Variants in CRISPLD2 observed in about 807,000 individuals in gnomAD.
CRISPLD2 encodes the protein cysteine rich secretory protein LCCL domain containing 2.
CRISPLD2 carries 47 observed loss-of-function variants against 71.1 expected under a neutral mutation model. The observed-to-expected ratio is 0.66, with a 90% CI of 0.52 to 0.84. The LOEUF is 0.84. Among genes scored for constraint, CRISPLD2 ranks in the 40% least tolerant of loss-of-function variants. The pLI, the probability that CRISPLD2 is intolerant of heterozygous loss-of-function variation, is 0.00. For missense variants in CRISPLD2, 830 were observed against 651.1 expected, an observed-to-expected ratio of 1.27 and a Z score of -2.99; for synonymous variants, 317 against 250.1, an observed-to-expected ratio of 1.27 and a Z score of -2.52.
chr16:84,859,647 A>T (rs766006031), intron 6 of CRISPLD2, among the ~76,000 whole-genome samples: 1 of 152,108 alleles, frequency 6.6e-6, no homozygotes, highest in Admixed American at 6.5e-5. Flanking sequence ...TGTCCACTCA[A>T]TCTGGAAGTT....
At chr16:84,890,460 C>G (rs2071651900) in intron 14 of CRISPLD2, among the ~76,000 whole-genome samples, 1 of 152,124 alleles carries the variant, frequency 6.6e-6, no homozygotes, top group Non-Finnish European at 1.5e-5. Flanking sequence ...AAATCTATGA[C>G]CATAAGTCAT....
chr16:84,895,783 C>T (rs919617646), intron 14 of CRISPLD2, among the ~76,000 whole-genome samples: 3 of 152,124 alleles, frequency 2.0e-5, no homozygotes, highest in Non-Finnish European at 4.4e-5. Flanking sequence ...TTGTAGCTCC[C>T]GGCTACTGAG....
intron 2 of CRISPLD2, chr16:84,839,154 T>C (rs1360501677): frequency 4.5e-5 from 16 of 357,048 alleles, no homozygotes; most frequent in Non-Finnish European, 4.9e-5. Context: ...CTCAAAGTGC[T>C]AGGATTATAG....
chr16:84,901,597 G>A (rs1379039909), intron 14 of CRISPLD2, among the ~76,000 whole-genome samples: 42 of 139,656 alleles, frequency 3.0e-4, no homozygotes, highest in Middle Eastern at 8.9e-3. Flanking sequence ...TCAGCCTCCC[G>A]AGTAGCTGGG....
chr16:84,901,487 T>G (rs1286757170), intron 14 of CRISPLD2, among the ~76,000 whole-genome samples: 1 of 151,164 alleles, frequency 6.6e-6, no homozygotes, highest in Non-Finnish European at 1.5e-5. Flanking sequence ...TTTTTTTTTT[T>G]TTGACGCAGA....
intron 6 of CRISPLD2, among the ~76,000 whole-genome samples, chr16:84,864,214 G>C (rs181314693): frequency 1.3e-5 from 2 of 152,130 alleles, no homozygotes; most frequent in Non-Finnish European, 2.9e-5. Flanking sequence ...CCCCAGGCCC[G>C]TGCTGGGCCA....
intron 2 of CRISPLD2, 29 bp from the exon 3 acceptor site, chr16:84,845,757 C>T (rs531158640): frequency 1.4e-5 from 21 of 1,504,016 alleles, no homozygotes; most frequent in South Asian, 1.4e-4. Context: ...ACCCTCACCT[C>T]CTGGTGCCCG....
intron 4 of CRISPLD2, 37 bp downstream of exon 4, chr16:84,849,554 C>G: frequency 6.2e-7 from 1 of 1,603,612 alleles, no homozygotes; most frequent in Non-Finnish European, 8.5e-7. Context: ...AGCCCTGCCC[C>G]CCAATCCCAG....
chr16:84,904,673 T>C (rs2071786130), intron 14 of CRISPLD2, among the ~76,000 whole-genome samples: 1 of 152,032 alleles, frequency 6.6e-6, no homozygotes, highest in Non-Finnish European at 1.5e-5. Flanking sequence ...TTCCAGTCAA[T>C]TGATTTTGAC....
intron 1 of CRISPLD2, among the ~76,000 whole-genome samples, chr16:84,830,365 C>T (rs562891999): frequency 2.6e-5 from 4 of 152,218 alleles, no homozygotes; most frequent in African/African-American, 9.6e-5. Flanking sequence ...GATTGCGAAC[C>T]AGTTCAACAC....
chr16:84,871,384 C>T (rs1270599691), intron 8 of CRISPLD2, among the ~76,000 whole-genome samples: 1 of 151,972 alleles, frequency 6.6e-6, no homozygotes, highest in Non-Finnish European at 1.5e-5. Flanking sequence ...GGCAAAACCC[C>T]CAAAATTAGT....
Position 84,906,874 on chromosome 16 carries a change from G to A in CRISPLD2, c.*232G>A, listed in dbSNP as rs904722850. 14 of 594,484 alleles carry A rather than the reference G, an allele frequency of 2.4e-5. No individual in the cohort carries two copies. The highest frequency in any genetic ancestry group is 5.7e-5 in the South Asian group (3 of 52,254). The allele number at this position is 594,484 out of a possible 1,614,324, so 36.8% of individuals were successfully genotyped here. A position where few individuals can be genotyped will look rare whatever the true frequency, so the allele number is the denominator to read the frequency against. On this transcript the variant is annotated 3_prime_UTR_variant, in exon 15 of 15. Coordinates refer to ENST00000262424, the MANE Select transcript of CRISPLD2 (RefSeq NM_031476.4). ...CTGGTGCCTGATCCTGCTGGGGCCT[G>A]GGGGTCTCCATCTGGACGTCCTCTC...
At chr16:84,839,059 A>T in intron 2 of CRISPLD2, 1 of 425,968 alleles carries the variant, frequency 2.3e-6, no homozygotes. Flanking sequence ...CTAGATTTTA[A>T]ATATTTTGTG....
chr16:84,827,848 C>T (rs575187909), intron 1 of CRISPLD2, among the ~76,000 whole-genome samples: 1 of 152,148 alleles, frequency 6.6e-6, no homozygotes, highest in Non-Finnish European at 1.5e-5. Flanking sequence ...ATTACAGGTG[C>T]GAGCCGCCGC....
At chr16:84,877,338 C>T (rs548210592) in intron 11 of CRISPLD2, 100 bp from the exon 12 acceptor site, 76 of 1,037,390 alleles carry the variant, frequency 7.3e-5, no homozygotes, top group Non-Finnish European at 1.1e-4. Flanking sequence ...GCCCAGGGAA[C>T]CCATAGGCCC....
At chr16:84,877,305 C>T (rs1474868727) in intron 11 of CRISPLD2, 133 bp from the exon 12 acceptor site, 1 of 710,800 alleles carries the variant, frequency 1.4e-6, no homozygotes, top group Non-Finnish European at 2.4e-6. Flanking sequence ...CCTGCTGGGT[C>T]GTAGTCCCAG....
chr16:84,877,313 C>G (rs2071527868), intron 11 of CRISPLD2, 125 bp from the exon 12 acceptor site: 1 of 792,876 alleles, frequency 1.3e-6, no homozygotes. Flanking sequence ...GTCGTAGTCC[C>G]AGCTCTATTC....
At chr16:84,905,795 C>T (rs139869208) in intron 14 of CRISPLD2, among the ~76,000 whole-genome samples, 194 of 151,588 alleles carry the variant, frequency 1.3e-3, no homozygotes, top group African/African-American at 4.6e-3. Flanking sequence ...CTGCATCCTC[C>T]GCCTCCCAGG....
At chr16:84,862,688 T>TTG (rs1917418194) in intron 6 of CRISPLD2, among the ~76,000 whole-genome samples, 1 of 149,896 alleles carries the variant, frequency 6.7e-6, no homozygotes, top group Admixed American at 6.6e-5. Context: ...TTTTTTTTTT[T>TTG]TTTTTTAACG....
Sources: allele counts gnomAD v4.1 joint callset (sites outside exome capture counted in the v4.1 genomes callset), GRCh38; gene constraint gnomAD v4.1.1; transcripts MANE v1.5; gene names NCBI Gene and HGNC (gene_info 2026-07-23, HGNC 2026-07-21).